The following TNFSF4 variants were observed in gnomAD, a reference collection of about 807,000 sequenced individuals.
TNFSF4 encodes the protein TNF superfamily member 4, also known as tumor necrosis factor ligand superfamily member 4.
In TNFSF4, 4 loss-of-function variants were observed where a neutral mutation model predicts 7.3. The ratio of observed to expected loss-of-function variants is 0.55; its 90% CI spans 0.27 to 1.25. TNFSF4 has a LOEUF of 1.25. TNFSF4 is among the 50% of genes most tolerant of loss of function. The pLI is 0.12. For synonymous variants in TNFSF4, 76 were observed against 83.7 expected, an observed-to-expected ratio of 0.91 and a Z score of 0.50; for missense variants, 181 against 208.8, an observed-to-expected ratio of 0.87 and a Z score of 0.82.
At chr1:173,236,257 T>A in the TNFSF4 span, among the ~76,000 whole-genome samples, 4 of 152,150 alleles carry the variant, frequency 2.6e-5, no homozygotes, top group African/African-American at 9.7e-5. Flanking sequence ...TTCTACAGAA[T>A]CAATTCCATC....
chr1:173,213,996 G>T, the TNFSF4 span, among the ~76,000 whole-genome samples: 1 of 152,070 alleles, frequency 6.6e-6, no homozygotes, highest in Non-Finnish European at 1.5e-5. Flanking sequence ...ATACCTCACC[G>T]CCATCAACAA....
chr1:173,434,761 G>C, the TNFSF4 span, among the ~76,000 whole-genome samples: 2 of 152,230 alleles, frequency 1.3e-5, no homozygotes, highest in African/African-American at 4.8e-5. Context: ...AGTGTCTAAA[G>C]AGAATGGTGA....
the TNFSF4 span, among the ~76,000 whole-genome samples, chr1:173,411,997 T>G: frequency 2.0e-5 from 3 of 150,874 alleles, no homozygotes; most frequent in African/African-American, 2.4e-5. Flanking sequence ...TGGGCGCTTG[T>G]AATCCCAGCT....
the TNFSF4 span, among the ~76,000 whole-genome samples, chr1:173,310,671 C>A: frequency 1.4e-5 from 2 of 144,640 alleles, no homozygotes; most frequent in African/African-American, 5.0e-5. Flanking sequence ...TGTACTTTTT[C>A]TTTTTTTTTT....
chr1:173,270,507 C>T, the TNFSF4 span, among the ~76,000 whole-genome samples: 1 of 151,346 alleles, frequency 6.6e-6, no homozygotes, highest in Non-Finnish European at 1.5e-5. Context: ...AGAGATGGTA[C>T]AAAATGATCA....
the TNFSF4 span, among the ~76,000 whole-genome samples, chr1:173,235,321 G>A: frequency 3.9e-5 from 6 of 152,236 alleles, no homozygotes; most frequent in South Asian, 1.2e-3. Flanking sequence ...GAAAAAAGGG[G>A]GACCTTTCAA....
the TNFSF4 span, among the ~76,000 whole-genome samples, chr1:173,378,071 G>C: frequency 6.6e-6 from 1 of 152,152 alleles, no homozygotes; most frequent in Non-Finnish European, 1.5e-5. Context: ...GACAGGCAAG[G>C]GTGCAGGTTT....
chr1:173,195,099 T>A (rs925758239), intron 1 of TNFSF4, among the ~76,000 whole-genome samples: 2 of 152,092 alleles, frequency 1.3e-5, no homozygotes, highest in African/African-American at 4.8e-5. Flanking sequence ...TTCAGGTGAA[T>A]CCCAAGTTCA....
the TNFSF4 span, among the ~76,000 whole-genome samples, chr1:173,273,703 T>G: frequency 1.3e-5 from 2 of 152,228 alleles, no homozygotes; most frequent in Middle Eastern, 3.4e-3. Flanking sequence ...TTCATAACTA[T>G]GTACATAATC....
chr1:173,353,846 G>GT, the TNFSF4 span, among the ~76,000 whole-genome samples: 1 of 152,140 alleles, frequency 6.6e-6, no homozygotes, highest in Non-Finnish European at 1.5e-5. Flanking sequence ...TTGTATTCAT[G>GT]TAATTGTCTC....
At chr1:173,178,729 C>T in the TNFSF4 span, among the ~76,000 whole-genome samples, 3 of 152,062 alleles carry the variant, frequency 2.0e-5, no homozygotes, top group Non-Finnish European at 4.4e-5. Context: ...ATAATGACCC[C>T]CAAAAATATG....
intron 1 of TNFSF4, among the ~76,000 whole-genome samples, chr1:173,200,822 G>C (rs893887131): frequency 1.1e-4 from 17 of 152,162 alleles, no homozygotes; most frequent in Admixed American, 2.6e-4. Context: ...GGGAATGAAG[G>C]CTCTCTAACC....
At chr1:173,250,739 G>A in the TNFSF4 span, among the ~76,000 whole-genome samples, 2 of 152,150 alleles carry the variant, frequency 1.3e-5, no homozygotes, top group Non-Finnish European at 2.9e-5. Context: ...GATTACAGGC[G>A]TGAGCCACCG....
At chr1:173,248,483 G>A in the TNFSF4 span, among the ~76,000 whole-genome samples, 1 of 141,144 alleles carries the variant, frequency 7.1e-6, no homozygotes. Context: ...AAAGAAGGAA[G>A]GAAGGAAGGA....
intron 1 of TNFSF4, among the ~76,000 whole-genome samples, chr1:173,189,295 T>C (rs1213907316): frequency 6.6e-6 from 1 of 152,176 alleles, no homozygotes. Context: ...AATCAATCCA[T>C]CATGGCCACA....
At chr1:173,449,668 C>G in the TNFSF4 span, among the ~76,000 whole-genome samples, 3 of 151,988 alleles carry the variant, frequency 2.0e-5, no homozygotes, top group Admixed American at 6.6e-5. Flanking sequence ...AATGCAAGCA[C>G]GGACTAATAC....
the TNFSF4 span, among the ~76,000 whole-genome samples, chr1:173,261,121 G>A: frequency 6.6e-6 from 1 of 152,110 alleles, no homozygotes; most frequent in African/African-American, 2.4e-5. Flanking sequence ...CAGAAGAACT[G>A]AAATTATGAC....
chr1:173,429,775 A>G, the TNFSF4 span, among the ~76,000 whole-genome samples: 1 of 152,210 alleles, frequency 6.6e-6, no homozygotes, highest in East Asian at 1.9e-4. Context: ...ATATCCTCTA[A>G]TCCCCCTCAT....
chr1:173,231,809 T>C, the TNFSF4 span, among the ~76,000 whole-genome samples: 4 of 152,250 alleles, frequency 2.6e-5, no homozygotes, highest in East Asian at 7.7e-4. Context: ...AGCATTCTTA[T>C]ACACCAATAA....
Sources: allele counts gnomAD v4.1 joint callset (sites outside exome capture counted in the v4.1 genomes callset), GRCh38; gene constraint gnomAD v4.1.1; transcripts MANE v1.5; gene names NCBI Gene and HGNC (gene_info 2026-07-23, HGNC 2026-07-21).